RPTOR: variants seen among roughly 807,000 people sequenced by gnomAD.
RPTOR encodes regulatory-associated protein of mTOR.
RPTOR carries 21 observed loss-of-function variants against 169.9 expected under a neutral mutation model. The ratio of observed to expected loss-of-function variants is 0.12; its 90% CI spans 0.09 to 0.18. RPTOR has a LOEUF of 0.18. Ranked by LOEUF, RPTOR falls within the 10% of genes least tolerant of loss-of-function variation. RPTOR has a pLI of 1.00. For missense variants in RPTOR, 1,133 were observed against 1,855.9 expected, an observed-to-expected ratio of 0.61 and a Z score of 7.16; for synonymous variants, 732 against 753.2, an observed-to-expected ratio of 0.97 and a Z score of 0.46.
chr17:80,838,348 G>A (rs1210526876), intron 10 of RPTOR, among the ~76,000 whole-genome samples: 1 of 152,130 alleles, frequency 6.6e-6, no homozygotes, highest in Non-Finnish European at 1.5e-5. Flanking sequence ...CTGACTCTCA[G>A]CCCTGTGGGA....
In RPTOR at chr17:80,798,836, T is replaced by G. The variant is rs543061791; in HGVS notation, c.890+7327T>G. Among the ~76,000 whole-genome samples the G allele has an allele frequency of 4.6e-5, 7 of 152,362 alleles. No homozygotes were observed. The South Asian group carries it at 1.4e-3, about 32-fold the overall frequency. ...TTTAATAAAAACGTTTGTGCATTAT[T>G]GGCAGAGCTGTCAGTGGGTGCTGGG... On this transcript the variant is annotated intron_variant, in intron 7 of 33. Coordinates refer to ENST00000306801, the MANE Select transcript of RPTOR (RefSeq NM_020761.3).
At chr17:80,760,756 A>T (rs1409170937) in intron 6 of RPTOR, among the ~76,000 whole-genome samples, 1 of 152,214 alleles carries the variant, frequency 6.6e-6, no homozygotes, top group Admixed American at 6.5e-5. Context: ...GAGAAGGGCG[A>T]TGCTCGGGAA....
At chr17:80,930,243 AGCTC>A (rs2068865517) in intron 24 of RPTOR, among the ~76,000 whole-genome samples, 1 of 70,460 alleles carries the variant, frequency 1.4e-5, no homozygotes, top group Non-Finnish European at 2.8e-5. Context: ...GCTCATCCTC[AGCTC>A]AGCTCATCCC....
chr17:80,545,842 G>A, intron 1 of RPTOR, 51 bp downstream of exon 1: 1 of 1,465,142 alleles, frequency 6.8e-7, no homozygotes, highest in Non-Finnish European at 9.2e-7. Context: ...CCCCAACAAA[G>A]AAAGTTTACA....
At chr17:80,676,703 C>T (rs1424366977) in intron 3 of RPTOR, among the ~76,000 whole-genome samples, 6 of 152,244 alleles carry the variant, frequency 3.9e-5, no homozygotes, top group African/African-American at 1.4e-4. Context: ...GGCTGCTTCT[C>T]CAGGCCTGGA....
At chr17:80,687,510 C>T (rs1056115327) in intron 3 of RPTOR, among the ~76,000 whole-genome samples, 3 of 151,224 alleles carry the variant, frequency 2.0e-5, no homozygotes, top group African/African-American at 7.3e-5. Context: ...TGATGAAAGG[C>T]AGGGACTCAT....
intron 9 of RPTOR, among the ~76,000 whole-genome samples, chr17:80,833,416 T>C (rs960886826): frequency 2.0e-5 from 3 of 152,204 alleles, no homozygotes; most frequent in African/African-American, 7.2e-5. Context: ...TCCAGGCAGC[T>C]TGATCGCAGG....
chr17:80,618,620 AG>A (rs1355955147), intron 1 of RPTOR, among the ~76,000 whole-genome samples: 1 of 152,156 alleles, frequency 6.6e-6, no homozygotes, highest in Non-Finnish European at 1.5e-5. Flanking sequence ...ACAGGGGTGG[AG>A]GCAGATTTTA....
intron 14 of RPTOR, among the ~76,000 whole-genome samples, chr17:80,881,648 G>A (rs1004729539): frequency 1.2e-4 from 19 of 152,172 alleles, no homozygotes; most frequent in South Asian, 6.2e-4. Context: ...GTGAAACCCC[G>A]TTTCTACCAA....
chr17:80,818,406 C>G (rs535604895), intron 7 of RPTOR, among the ~76,000 whole-genome samples: 26 of 152,300 alleles, frequency 1.7e-4, no homozygotes, highest in African/African-American at 5.5e-4. Context: ...ACATGGACAA[C>G]ATACACCAAT....
intron 21 of RPTOR, among the ~76,000 whole-genome samples, chr17:80,918,835 G>A (rs1043073419): frequency 6.6e-6 from 1 of 152,080 alleles, no homozygotes; most frequent in African/African-American, 2.4e-5. Flanking sequence ...ACTCGTGTCT[G>A]TGTCCTGTGC....
At chr17:80,593,867 A>T (rs1357573399) in intron 1 of RPTOR, 2 of 152,212 alleles carry the variant, frequency 1.3e-5, no homozygotes, top group African/African-American at 4.8e-5. Context: ...GAAGACCCTC[A>T]TTTCAATGTA....
At chr17:80,722,833 T>C (rs2066298590) in intron 4 of RPTOR, among the ~76,000 whole-genome samples, 1 of 151,236 alleles carries the variant, frequency 6.6e-6, no homozygotes, top group African/African-American at 2.5e-5. Flanking sequence ...CACAGCCTCC[T>C]TGGTGCCAGC....
chr17:80,718,601 G>A (rs2066259200), intron 4 of RPTOR, among the ~76,000 whole-genome samples: 1 of 152,168 alleles, frequency 6.6e-6, no homozygotes, highest in African/African-American at 2.4e-5. Context: ...GTGCTTGCTC[G>A]GGCTGAGTCT....
rs2069398896 is a variant in RPTOR at position 80,964,452 on chromosome 17, C to T, written c.*122C>T. On this transcript the variant is annotated 3_prime_UTR_variant, in exon 34 of 34. Coordinates refer to ENST00000306801, the MANE Select transcript of RPTOR (RefSeq NM_020761.3). ...GTGTGAACGTTGGCTGCTGCCTTAG[C>T]TGCTGATGACGGCAGGAGGGCCCTG... 4 of 929,120 alleles carry T rather than the reference C, an allele frequency of 4.3e-6. No homozygotes were observed. The South Asian group carries it at 5.5e-5, about 13-fold the overall frequency. 57.6% of individuals were successfully genotyped at this position (929,120 alleles called of 1,614,324 possible).
intron 1 of RPTOR, among the ~76,000 whole-genome samples, chr17:80,618,313 CT>C (rs958015715): frequency 9.2e-5 from 14 of 152,328 alleles, no homozygotes; most frequent in South Asian, 8.3e-4. Flanking sequence ...CTATAATAAA[CT>C]TTTTTTCCCC....
rs144392656 is a variant in RPTOR at position 80,681,401 on chromosome 17, G to A, written c.349-26440G>A. Among the ~76,000 whole-genome samples, 170 of 152,282 alleles carry A rather than the reference G, an allele frequency of 1.1e-3. 4 individuals carry two copies. In the Middle Eastern group the frequency reaches 0.014, roughly 12 times the overall value. Reference sequence around the variant, plus strand: ...TCCTCACACTGCCCTGCTAGAGTGCGTGCGTGCTGTGTGCATTCCTCATGC... The same window carrying A: ...TCCTCACACTGCCCTGCTAGAGTGCATGCGTGCTGTGTGCATTCCTCATGC... On this transcript the variant is annotated intron_variant, in intron 3 of 33. Transcript: ENST00000306801.
intron 7 of RPTOR, among the ~76,000 whole-genome samples, chr17:80,796,604 G>T (rs992259104): frequency 4.6e-5 from 7 of 152,176 alleles, no homozygotes; most frequent in Non-Finnish European, 8.8e-5. Context: ...CAACACATGG[G>T]TATTAGAGTT....
intron 6 of RPTOR, among the ~76,000 whole-genome samples, chr17:80,763,499 G>C (rs893612416): frequency 2.0e-5 from 3 of 152,214 alleles, no homozygotes; most frequent in Non-Finnish European, 4.4e-5. Context: ...AACGAGATAA[G>C]ATGGGAGCTG....
Sources: gnomAD v4.1 joint callset for allele counts (sites outside exome capture counted in the v4.1 genomes callset) on GRCh38, gnomAD v4.1.1 for gene constraint, MANE v1.5 for transcripts, NCBI Gene and HGNC (gene_info 2026-07-23, HGNC 2026-07-21) for gene names.